S100P: variants seen among roughly 807,000 people sequenced by gnomAD.
S100P encodes the protein S100 calcium binding protein P.
A neutral mutation model predicts 4.7 loss-of-function variants in S100P; 7 were observed. The observed-to-expected ratio is 1.48, with a 90% CI of 0.84 to 2.77. The LOEUF (loss-of-function observed/expected upper bound fraction) is 2.77. Ranked by LOEUF, S100P falls within the 30% of genes most tolerant of loss-of-function variation. The pLI, the probability that S100P is intolerant of heterozygous loss-of-function variation, is 0.00. For missense variants in S100P, 122 were observed against 120.6 expected (o/e 1.01, Z -0.06); for synonymous variants, 48 against 49.0 (o/e 0.98, Z 0.08).
intron 1 of S100P, among the ~76,000 whole-genome samples, chr4:6,695,858 G>A (rs1168172795): frequency 3.3e-5 from 5 of 152,182 alleles, no homozygotes; most frequent in Non-Finnish European, 2.9e-5. Flanking sequence ...CCAACCCAGC[G>A]CCCCGCACAG....
At chr4:6,695,254 C>G (rs1161423241) in intron 1 of S100P, among the ~76,000 whole-genome samples, 1 of 152,128 alleles carries the variant, frequency 6.6e-6, no homozygotes, top group Non-Finnish European at 1.5e-5. Context: ...GCGTGAGCCC[C>G]GACACCTGGC....
chr4:6,694,013 C>A lies in S100P; in HGVS notation c.81C>A (p.Thr27=). 6.2e-7 allele frequency: 1 copy of A among 1,614,010 alleles called. No homozygotes were observed. The highest frequency in any genetic ancestry group is 1.1e-5 in the South Asian group (1 of 91,080). Residue 27 remains threonine (T), a synonymous_variant, in exon 1 of 2, where the codon ACC becomes ACA. Transcript: ENST00000296370. ...CGGGCAGCGAGGGCAGCACGCAGAC[C>A]CTGACCAAGGGGGAGCTCAAGGTGC... The part of the protein sequence containing the change: ...RYSGSEGSTQ[T]LTKGELKVLM...
chr4:6,697,156 A>G lies in S100P; in HGVS notation c.*114A>G, dbSNP rs1346401742. The G allele has an allele frequency of 1.2e-6, 1 of 804,386 alleles. No homozygotes were observed. The highest frequency in any genetic ancestry group is 2.0e-6 in the Non-Finnish European group (1 of 505,474). The allele number at this position is 804,386 out of a possible 1,614,324, so 49.8% of individuals were successfully genotyped here. A position where few individuals can be genotyped will look rare whatever the true frequency, so the allele number is the denominator to read the frequency against. ...CTGCTCATGTACCTCTGATTAATAA[A>G]TGCTTATGAAATGATCCTGGTCTCA... is the stretch of plus-strand genomic sequence containing the variant. On this transcript the variant is annotated 3_prime_UTR_variant, in exon 2 of 2. Coordinates refer to ENST00000296370, the MANE Select transcript of S100P (RefSeq NM_005980.3).
chr4:6,696,799 G>A (rs1714382148), intron 1 of S100P, 94 bp from the exon 2 acceptor site: 1 of 1,233,030 alleles, frequency 8.1e-7, no homozygotes, highest in African/African-American at 1.5e-5. Flanking sequence ...CGCAGATGTG[G>A]GTGCCCTGCT....
intron 1 of S100P, among the ~76,000 whole-genome samples, chr4:6,695,698 C>T (rs767561183): frequency 3.3e-5 from 5 of 152,208 alleles, no homozygotes; most frequent in Admixed American, 2.0e-4. Flanking sequence ...TAATGTGTTA[C>T]ATTAGAATCA....
intron 1 of S100P, 48 bp downstream of exon 1, chr4:6,694,118 GGGAAGGCGT>G: frequency 6.5e-7 from 1 of 1,546,582 alleles, no homozygotes; most frequent in Non-Finnish European, 8.7e-7. Flanking sequence ...GGGGAAGAAG[GGGAAGGCGT>G]GGCAGGCAGA....
intron 1 of S100P, among the ~76,000 whole-genome samples, chr4:6,695,729 C>T (rs1463691082): frequency 6.6e-6 from 1 of 152,180 alleles, no homozygotes; most frequent in African/African-American, 2.4e-5. Context: ...GCCCTGGGTG[C>T]CCTTCTCAGC....
chr4:6,695,172 C>T (rs537698007), intron 1 of S100P, among the ~76,000 whole-genome samples: 1 of 152,146 alleles, frequency 6.6e-6, no homozygotes. Context: ...CACCATGTTG[C>T]CCAGGCTGGT....
At chr4:6,696,182 G>A (rs1245521367) in intron 1 of S100P, among the ~76,000 whole-genome samples, 1 of 152,154 alleles carries the variant, frequency 6.6e-6, no homozygotes, top group Admixed American at 6.6e-5. Flanking sequence ...TCCTGGTCCC[G>A]CTTGGTCCCA....
chr4:6,694,217 A>G (rs896574856), intron 1 of S100P, 147 bp downstream of exon 1: 5 of 811,298 alleles, frequency 6.2e-6, no homozygotes, highest in Non-Finnish European at 7.6e-6. Flanking sequence ...CTGGAAGCCC[A>G]GCCAAGGAAC....
rs543945473 is a variant in S100P at position 6,693,981 on chromosome 4, C to A, written c.49C>A (p.Arg17=). The change falls in exon 1 of 2, where the codon CGA becomes AGA. Residue 17 remains arginine, a synonymous_variant. Transcript: ENST00000296370. ...AMGMIIDVFS[R]YSGSEGSTQT... ...GGGCATGATCATAGACGTCTTTTCC[C>A]GATATTCGGGCAGCGAGGGCAGCAC... is the stretch of plus-strand genomic sequence containing the variant. 2 of 1,614,158 alleles carry A rather than the reference C, an allele frequency of 1.2e-6. No homozygotes were observed. Among genetic ancestry groups the A allele is most frequent in the African/African-American group, 2.7e-5 (2 of 75,058 alleles).
chr4:6,694,079 G>A lies in S100P; in HGVS notation c.138+9G>A. 3 of 1,604,578 alleles carry A rather than the reference G, an allele frequency of 1.9e-6. No homozygotes were observed. Among genetic ancestry groups the A allele is most frequent in the Non-Finnish European group, 2.6e-6 (3 of 1,175,056 alleles). On this transcript the variant is annotated intron_variant, in intron 1 of 1. Coordinates refer to ENST00000296370, the MANE Select transcript of S100P (RefSeq NM_005980.3). ...TACCAGGCTTCCTGCAGGTGAGCCA[G>A]GCCGGCAGTGCTGGACTCAGCGGGG...
intron 1 of S100P, among the ~76,000 whole-genome samples, chr4:6,694,967 CTTT>C (rs59304723): frequency 2.0e-4 from 28 of 141,830 alleles, no homozygotes; most frequent in East Asian, 6.2e-4. Context: ...CTTTTCTTTT[CTTT>C]TTTTTTTTTT....
At chr4:6,695,923 C>G (rs1273625223) in intron 1 of S100P, among the ~76,000 whole-genome samples, 2 of 152,244 alleles carry the variant, frequency 1.3e-5, no homozygotes, top group African/African-American at 4.8e-5. Context: ...GTAAACATCA[C>G]TTGAAATGGC....
rs1370500770 is a variant in S100P at position 6,694,277 on chromosome 4, A to G, written c.138+207A>G. On this transcript the variant is annotated intron_variant, in intron 1 of 1. Coordinates refer to ENST00000296370, the MANE Select transcript of S100P (RefSeq NM_005980.3). Reference sequence around the variant, plus strand: ...GGGAGGCGGGAGCATCTGAGCAGGGAGAGGGTGTGGTCAGCTTGATCCTTG... The same window carrying G: ...GGGAGGCGGGAGCATCTGAGCAGGGGGAGGGTGTGGTCAGCTTGATCCTTG... Among the ~76,000 whole-genome samples, 3 of 152,200 alleles carry G rather than the reference A, an allele frequency of 2.0e-5. No homozygotes were observed. The East Asian group carries it at 5.8e-4, about 29-fold the overall frequency.
At chr4:6,695,925 T>C (rs934873974) in intron 1 of S100P, among the ~76,000 whole-genome samples, 4 of 152,240 alleles carry the variant, frequency 2.6e-5, no homozygotes, top group African/African-American at 9.6e-5. Flanking sequence ...AAACATCACT[T>C]GAAATGGCCG....
intron 1 of S100P, among the ~76,000 whole-genome samples, chr4:6,695,961 A>G (rs192821858): frequency 6.6e-6 from 1 of 152,354 alleles, no homozygotes; most frequent in East Asian, 1.9e-4. Context: ...TGGCCATACC[A>G]CTATTTGTTT....
intron 1 of S100P, among the ~76,000 whole-genome samples, chr4:6,695,123 A>G (rs1012183255): frequency 6.6e-6 from 1 of 151,382 alleles, no homozygotes; most frequent in African/African-American, 2.4e-5. Flanking sequence ...ATGTCACCAT[A>G]CCCGGTTAAT....
At chr4:6,696,226 T>C (rs771204101) in intron 1 of S100P, among the ~76,000 whole-genome samples, 6 of 152,180 alleles carry the variant, frequency 3.9e-5, no homozygotes, top group Non-Finnish European at 8.8e-5. Context: ...ATGGGCAGGC[T>C]CTGAGAGCCC....
Sources: allele counts gnomAD v4.1 joint callset (sites outside exome capture counted in the v4.1 genomes callset), GRCh38; gene constraint gnomAD v4.1.1; transcripts MANE v1.5; gene names NCBI Gene and HGNC (gene_info 2026-07-23, HGNC 2026-07-21).